Variants in DNAJC5 observed in about 807,000 individuals in gnomAD.
The protein encoded by DNAJC5 is dnaJ homolog subfamily C member 5.
Under a neutral mutation model 23.2 loss-of-function variants are expected in DNAJC5, and 1 was observed. The observed-to-expected ratio is 0.04, with a 90% CI of 0.02 to 0.20. DNAJC5 has a LOEUF of 0.20. DNAJC5 is among the 10% of genes least tolerant of loss of function. The pLI, the probability that DNAJC5 is intolerant of heterozygous loss-of-function variation, is 1.00. For synonymous variants in DNAJC5, 136 were observed against 120.0 expected, an observed-to-expected ratio of 1.13 and a Z score of -0.87; for missense variants, 180 against 267.0, an observed-to-expected ratio of 0.67 and a Z score of 2.27.
rs1346112449 is a variant in DNAJC5 at position 63,928,047 on chromosome 20, T to G, written c.-11-288T>G. On this transcript the variant is annotated intron_variant, in intron 1 of 4. Coordinates refer to ENST00000360864, the MANE Select transcript of DNAJC5 (RefSeq NM_025219.3). The surrounding 1 kb of genome is among the most constrained non-coding windows in gnomAD (Gnocchi z 4.6). ...TCACTGCAGCCTCAAACTCCTGGGC[T>G]CAAGCGGTCCTCCCGCCTCAGCCTC... Among the ~76,000 whole-genome samples the G allele has an allele frequency of 2.6e-5, 4 of 152,202 alleles. No homozygotes were observed. The highest frequency in any genetic ancestry group is 7.2e-5 in the African/African-American group (3 of 41,446).
chr20:63,914,482 T>A (rs2053503207), intron 1 of DNAJC5, among the ~76,000 whole-genome samples: 1 of 151,918 alleles, frequency 6.6e-6, no homozygotes, highest in African/African-American at 2.4e-5. Flanking sequence ...ACCTGGCTAA[T>A]TTTTTTTGGT....
intron 1 of DNAJC5, among the ~76,000 whole-genome samples, chr20:63,911,012 T>C (rs1026533287): frequency 6.6e-6 from 1 of 152,194 alleles, no homozygotes; most frequent in African/African-American, 2.4e-5. Context: ...AGTTATTTTG[T>C]TCAACTTCTG....
intron 1 of DNAJC5, among the ~76,000 whole-genome samples, chr20:63,899,673 C>A (rs62218067): frequency 0.046 from 6,991 of 152,260 alleles, 205 homozygotes; most frequent in Non-Finnish European, 0.073. Context: ...CCTCTGCCTC[C>A]TGGGTTCAAG....
chr20:63,917,142 A>G (rs2053520410), intron 1 of DNAJC5, among the ~76,000 whole-genome samples: 1 of 152,268 alleles, frequency 6.6e-6, no homozygotes, highest in African/African-American at 2.4e-5. Context: ...GGAAACTGGT[A>G]AATGTCCATG....
intron 1 of DNAJC5, among the ~76,000 whole-genome samples, chr20:63,923,851 C>A (rs1298565347): frequency 6.6e-6 from 1 of 152,256 alleles, no homozygotes; most frequent in African/African-American, 2.4e-5. Flanking sequence ...GCCTCCAAGT[C>A]ATTCTGCGCT....
Position 63,929,330 on chromosome 20 carries a change from T to C in DNAJC5, c.126T>C (p.Tyr42=), listed in dbSNP as rs775734607. ...KKSYRKLALK[Y]HPDKNPDNPE... is the part of the protein sequence containing the mutation. ...TTTGCAGGAAGCTTGCCTTGAAATATCACCCCGACAAGAACCCCGACAACC... is the reference window on the plus strand; with the variant it reads ...TTTGCAGGAAGCTTGCCTTGAAATACCACCCCGACAAGAACCCCGACAACC... The change falls in exon 3 of 5, where the codon TAT becomes TAC. Residue 42 remains tyrosine, a synonymous_variant. Transcript: ENST00000360864. The surrounding 1 kb of genome is among the most constrained non-coding windows in gnomAD (Gnocchi z 8.6). The C allele has an allele frequency of 1.3e-5, 21 of 1,613,840 alleles. No homozygotes were observed. The highest frequency in any genetic ancestry group is 1.8e-5 in the Non-Finnish European group (21 of 1,179,976).
intron 1 of DNAJC5, among the ~76,000 whole-genome samples, chr20:63,914,376 G>A (rs1299933059): frequency 4.6e-5 from 7 of 151,852 alleles, no homozygotes; most frequent in East Asian, 3.9e-4. Flanking sequence ...GTGTAGTGGC[G>A]CGATCTCCGC....
rs532082397 is a variant in DNAJC5 at position 63,900,148 on chromosome 20, C to T, written c.-12+4825C>T. ...AGGTGATCCACCCACTTTGGCCTCC[C>T]AAAGTGCTGGGATTATAGGCGTGAG... is the stretch of plus-strand genomic sequence containing the variant. On this transcript the variant is annotated intron_variant, in intron 1 of 4. Transcript: ENST00000360864. 3.3e-5 allele frequency among the ~76,000 whole-genome samples: 5 copies of T among 152,138 alleles called. No homozygotes were observed. In the East Asian group the frequency reaches 5.8e-4, roughly 18 times the overall value.
chr20:63,929,616 C>T lies in DNAJC5; in HGVS notation c.321+91C>T. ...TCCTGCCGTGCGGGCACCCGAGTCA[C>T]TCCTGCCGTGCGGGCACCCGAGTCT... is the stretch of plus-strand genomic sequence containing the variant. On this transcript the variant is annotated intron_variant, in intron 3 of 4. Coordinates refer to ENST00000360864, the MANE Select transcript of DNAJC5 (RefSeq NM_025219.3). The surrounding 1 kb of genome is among the most constrained non-coding windows in gnomAD (Gnocchi z 8.6). The T allele has an allele frequency of 5.1e-6, 7 of 1,361,810 alleles. No homozygotes were observed. The allele number at this position is 1,361,810 out of a possible 1,614,324, so 84.4% of individuals were successfully genotyped here.
In DNAJC5 at chr20:63,928,587, G is replaced by A. The variant is rs2053635525; in HGVS notation, c.107+135G>A. ...TCAGCGTTGAACTGGTCACAGCTCG[G>A]TAACACCTTTGTATGTGTAATGTGC... On this transcript the variant is annotated intron_variant, in intron 2 of 4. Transcript: ENST00000360864. This position sits in a 1 kb window ranked among gnomAD's most constrained non-coding sequence, Gnocchi z 4.6. The A allele has an allele frequency of 1.4e-6, 1 of 739,190 alleles. No individual in the cohort carries two copies. Among genetic ancestry groups the A allele is most frequent in the Middle Eastern group, 2.3e-4 (1 of 4,420 alleles). The allele number at this position is 739,190 out of a possible 1,614,324, so 45.8% of individuals were successfully genotyped here.
At chr20:63,918,390 G>A (rs545333474) in intron 1 of DNAJC5, among the ~76,000 whole-genome samples, 4 of 152,196 alleles carry the variant, frequency 2.6e-5, no homozygotes, top group African/African-American at 7.2e-5. Flanking sequence ...TAAATCCAGT[G>A]CTAGGCCGTA....
chr20:63,904,559 G>C (rs1312953931), intron 1 of DNAJC5, among the ~76,000 whole-genome samples: 1 of 152,164 alleles, frequency 6.6e-6, no homozygotes, highest in Non-Finnish European at 1.5e-5. Flanking sequence ...TGACCTCCAG[G>C]TGGGCGGACT....
chr20:63,896,367 A>G (rs1017450974), intron 1 of DNAJC5, among the ~76,000 whole-genome samples: 6 of 152,056 alleles, frequency 3.9e-5, no homozygotes, highest in African/African-American at 1.4e-4. Context: ...TTCCCCTTTC[A>G]CTTGTGTCGG....
At chr20:63,918,987 A>T (rs1026073797) in intron 1 of DNAJC5, among the ~76,000 whole-genome samples, 7 of 152,254 alleles carry the variant, frequency 4.6e-5, no homozygotes, top group Admixed American at 6.5e-5. Flanking sequence ...AGATGTTTTC[A>T]TATCTGTTCT....
chr20:63,909,918 C>T (rs574142447), intron 1 of DNAJC5, among the ~76,000 whole-genome samples: 3 of 152,286 alleles, frequency 2.0e-5, no homozygotes, highest in Non-Finnish European at 4.4e-5. Context: ...AGCATGACCT[C>T]GTGGTTACTG....
chr20:63,903,011 GTC>G (rs1568975183), intron 1 of DNAJC5, among the ~76,000 whole-genome samples: 1 of 150,884 alleles, frequency 6.6e-6, no homozygotes, highest in African/African-American at 2.4e-5. Context: ...GTGTCACTCT[GTC>G]TCTCACCCAA....
chr20:63,909,550 T>C (rs2053469322), intron 1 of DNAJC5, among the ~76,000 whole-genome samples: 1 of 144,274 alleles, frequency 6.9e-6, no homozygotes, highest in African/African-American at 2.6e-5. Context: ...GGAGCAGTGA[T>C]GCGTGCCGTA....
chr20:63,919,409 G>A (rs375706826), intron 1 of DNAJC5: 171 of 490,772 alleles, frequency 3.5e-4, no homozygotes, highest in Non-Finnish European at 5.6e-4. Flanking sequence ...CATGTGCCCA[G>A]GGCCCAGGAC....
At chr20:63,913,324 C>T (rs143915650) in intron 1 of DNAJC5, among the ~76,000 whole-genome samples, 4 of 152,210 alleles carry the variant, frequency 2.6e-5, no homozygotes, top group Admixed American at 2.6e-4. Context: ...TCTCCTCAGA[C>T]GTCATCTGTT....
Sources: gnomAD v4.1 joint callset for allele counts (sites outside exome capture counted in the v4.1 genomes callset) on GRCh38, gnomAD v4.1.1 for gene constraint, Gnocchi (gnomAD v3.1) non-coding constraint, MANE v1.5 for transcripts, NCBI Gene and HGNC (gene_info 2026-07-23, HGNC 2026-07-21) for gene names.